Variants in NPNT observed in about 807,000 individuals in gnomAD.
The protein encoded by NPNT is preosteoblast EGF-like repeat protein with MAM domain.
Under a neutral mutation model 68.6 loss-of-function variants are expected in NPNT, and 45 were observed. That is an observed-to-expected ratio of 0.66 (90% CI 0.52 to 0.84). The LOEUF is 0.84. Among genes scored for constraint, NPNT ranks in the 40% least tolerant of loss-of-function variants. NPNT has a pLI of 0.00. For missense variants in NPNT, 672 were observed against 714.8 expected (o/e 0.94, Z 0.68); for synonymous variants, 233 against 253.3 (o/e 0.92, Z 0.76).
At chr4:105,940,964 G>A (rs577139167) in intron 7 of NPNT, among the ~76,000 whole-genome samples, 29 of 152,152 alleles carry the variant, frequency 1.9e-4, no homozygotes, top group African/African-American at 6.3e-4. Flanking sequence ...TGCCATTAGC[G>A]TTAGATTTTG....
chr4:105,898,511 A>G (rs1292740578), intron 2 of NPNT, among the ~76,000 whole-genome samples: 1 of 152,178 alleles, frequency 6.6e-6, no homozygotes, highest in Non-Finnish European at 1.5e-5. Context: ...GAGTACTTAT[A>G]TAATCCTCAC....
At chr4:105,932,783 C>T (rs1026739446) in intron 3 of NPNT, 2 of 997,992 alleles carry the variant, frequency 2.0e-6, no homozygotes, top group Admixed American at 4.0e-5. Flanking sequence ...TGCAAATGTT[C>T]TGAAGACTAG....
At chr4:105,961,473 C>T (rs986451232) in intron 10 of NPNT, among the ~76,000 whole-genome samples, 2 of 152,208 alleles carry the variant, frequency 1.3e-5, no homozygotes, top group Admixed American at 1.3e-4. Flanking sequence ...CAGGAGAATT[C>T]ACTGCACTTC....
At chr4:105,953,010 A>G (rs1326448567) in intron 8 of NPNT, among the ~76,000 whole-genome samples, 1 of 152,118 alleles carries the variant, frequency 6.6e-6, no homozygotes, top group Non-Finnish European at 1.5e-5. Context: ...TACTAAAAAT[A>G]TAAAAATTAG....
chr4:105,966,490 A>T (rs1732149235), intron 10 of NPNT, among the ~76,000 whole-genome samples: 1 of 152,206 alleles, frequency 6.6e-6, no homozygotes, highest in Non-Finnish European at 1.5e-5. Flanking sequence ...AATAGATATG[A>T]TATAGATTTG....
chr4:105,908,367 T>C (rs1727086086), intron 2 of NPNT, among the ~76,000 whole-genome samples: 1 of 152,170 alleles, frequency 6.6e-6, no homozygotes, highest in Admixed American at 6.5e-5. Flanking sequence ...TCTCCAGAGC[T>C]GACATTACTT....
At chr4:105,916,456 A>T (rs979213337) in intron 2 of NPNT, among the ~76,000 whole-genome samples, 3 of 151,838 alleles carry the variant, frequency 2.0e-5, no homozygotes, top group African/African-American at 7.3e-5. Context: ...TCCTGAGCTC[A>T]AGCAATCCAC....
intron 2 of NPNT, among the ~76,000 whole-genome samples, chr4:105,900,046 G>A (rs1270640045): frequency 1.3e-5 from 2 of 152,206 alleles, no homozygotes; most frequent in African/African-American, 4.8e-5. Flanking sequence ...AAAATGCCTT[G>A]CTATTGTATA....
At chr4:105,940,672 C>A in intron 7 of NPNT, 36 bp downstream of exon 7, 1 of 1,590,280 alleles carries the variant, frequency 6.3e-7, no homozygotes, top group Non-Finnish European at 8.6e-7. Context: ...TAAATTCTAG[C>A]AGGAAATACA....
In NPNT at chr4:105,969,657, A is replaced by C. The variant is rs1732434584; in HGVS notation, c.*667A>C. 6.6e-6 allele frequency: 1 copy of C among 152,066 alleles called. No homozygotes were observed. The highest frequency in any genetic ancestry group is 1.5e-5 in the Non-Finnish European group (1 of 68,048). 9.4% of individuals were successfully genotyped at this position (152,066 alleles called of 1,614,324 possible). Reference sequence around the variant, plus strand: ...TGTTTTGTGTAAATGTGCTATTGATATTAAGTATTTACATGTTCCAAATAT... The same window carrying C: ...TGTTTTGTGTAAATGTGCTATTGATCTTAAGTATTTACATGTTCCAAATAT... On this transcript the variant is annotated 3_prime_UTR_variant, in exon 12 of 12. Transcript: ENST00000379987.
intron 2 of NPNT, among the ~76,000 whole-genome samples, chr4:105,922,448 C>A (rs960070017): frequency 6.7e-6 from 1 of 149,548 alleles, no homozygotes; most frequent in African/African-American, 2.5e-5. Flanking sequence ...AGTGCAGTGG[C>A]GCAGTCTCAG....
intron 2 of NPNT, among the ~76,000 whole-genome samples, chr4:105,904,878 C>G (rs1419242455): frequency 6.6e-6 from 1 of 151,818 alleles, no homozygotes; most frequent in Non-Finnish European, 1.5e-5. Flanking sequence ...GAGTTGATAT[C>G]CAGAGACAAG....
At chr4:105,912,154 C>G (rs890692265) in intron 2 of NPNT, 1 of 1,476,698 alleles carries the variant, frequency 6.8e-7, no homozygotes, top group Non-Finnish European at 9.1e-7. Context: ...GAGAAAAGAT[C>G]TGGAATTTCT....
rs553742340 is a variant in NPNT at position 105,924,531 on chromosome 4, AAAC to A, written c.173-2800_173-2798del. 3.8e-3 allele frequency among the ~76,000 whole-genome samples: 582 copies of A among 152,322 alleles called. 4 individuals carry two copies. Among genetic ancestry groups the A allele is most frequent in the African/African-American group, 0.013 (548 of 41,590 alleles). ...TGAATAGCCTATCAGATGGGAGTGC[AAAC>A]AACAGTTTGTTTTGAAATAGGACTC... On this transcript the variant is annotated intron_variant, in intron 2 of 11. Coordinates refer to ENST00000379987, the MANE Select transcript of NPNT (RefSeq NM_001033047.3).
intron 2 of NPNT, chr4:105,926,961 G>A (rs1187168156): frequency 1.3e-5 from 2 of 154,722 alleles, no homozygotes; most frequent in Non-Finnish European, 2.9e-5. Context: ...TTTGGACTAA[G>A]AACTGCTATT....
chr4:105,970,338 T>A lies in NPNT; in HGVS notation c.*1348T>A, dbSNP rs749121240. On this transcript the variant is annotated 3_prime_UTR_variant, in exon 12 of 12. Coordinates refer to ENST00000379987, the MANE Select transcript of NPNT (RefSeq NM_001033047.3). ...AAAGGCATCATTCCTGAGGTTTGTC[T>A]TAATTTCTGATTAAGTAATCAGAAT... is the stretch of plus-strand genomic sequence containing the variant. 1.3e-5 allele frequency: 9 copies of A among 678,752 alleles called. No individual in the cohort carries two copies. In the South Asian group the frequency reaches 1.4e-4, roughly 11 times the overall value. The allele number at this position is 678,752 out of a possible 1,614,324, so 42.0% of individuals were successfully genotyped here.
chr4:105,970,825 G>A lies in NPNT; in HGVS notation c.*1835G>A. On this transcript the variant is annotated 3_prime_UTR_variant, in exon 12 of 12. Transcript: ENST00000379987. ...AAAATCTTTAGAACTAAATAATTTG[G>A]ACAAGGCTTAATTTAGGCATTTCCC... The A allele has an allele frequency of 3.2e-6, 1 of 313,426 alleles. No individual in the cohort carries two copies. Among genetic ancestry groups the A allele is most frequent in the Non-Finnish European group, 6.2e-6 (1 of 160,736 alleles). The allele number at this position is 313,426 out of a possible 1,614,324, so 19.4% of individuals were successfully genotyped here. A position where few individuals can be genotyped will look rare whatever the true frequency, so the allele number is the denominator to read the frequency against.
At chr4:105,900,385 G>T (rs1726301388) in intron 2 of NPNT, among the ~76,000 whole-genome samples, 1 of 152,098 alleles carries the variant, frequency 6.6e-6, no homozygotes, top group South Asian at 2.1e-4. Context: ...CAGACCTTAT[G>T]CCTTAGTGCA....
intron 2 of NPNT, among the ~76,000 whole-genome samples, chr4:105,905,074 CT>C (rs796088730): frequency 0.022 from 3,163 of 144,234 alleles, 105 homozygotes; most frequent in African/African-American, 0.071. Flanking sequence ...ATAGTATGGG[CT>C]TTTTTTTTTT....
Sources: gnomAD v4.1 joint callset for allele counts (sites outside exome capture counted in the v4.1 genomes callset) on GRCh38, gnomAD v4.1.1 for gene constraint, MANE v1.5 for transcripts, NCBI Gene and HGNC (gene_info 2026-07-23, HGNC 2026-07-21) for gene names.